The following AP3M1 variants were observed in gnomAD, a reference collection of about 807,000 sequenced individuals.
AP3M1 encodes the protein adaptor related protein complex 3 subunit mu 1.
AP3M1 carries 29 observed loss-of-function variants against 42.6 expected under a neutral mutation model. That is an observed-to-expected ratio of 0.68 (90% CI 0.51 to 0.93). The LOEUF is 0.93. Among genes scored for constraint, AP3M1 ranks in the 40% least tolerant of loss-of-function variants. AP3M1 has a pLI of 0.00. For synonymous variants in AP3M1, 178 were observed against 175.3 expected (o/e 1.02, Z -0.12); for missense variants, 416 against 510.2 (o/e 0.82, Z 1.78).
chr10:74,129,966 C>A lies in AP3M1; in HGVS notation c.610G>T (p.Gly204Trp), dbSNP rs748768646. 6.2e-7 allele frequency: 1 copy of A among 1,611,990 alleles called. No homozygotes were observed. The highest frequency in any genetic ancestry group is 1.1e-5 in the South Asian group (1 of 90,984). The change falls in exon 5 of 9, where the codon GGG becomes TGG. Residue 204 changes from glycine to tryptophan, a missense_variant. Physicochemically the swap from Gly to Trp is radical, Grantham distance 184. Transcript: ENST00000355264. ...SGSTVFAEIQ[G>W]VIDACIKLSG... is the part of the protein sequence containing the mutation. ...AGTTTAATGCAAGCATCAATGACCC[C>A]CTGAATTTCTGCAAAGACTGTAGAT... is the stretch of plus-strand genomic sequence containing the variant.
chr10:74,149,236 T>G (rs1435025720), intron 1 of AP3M1, among the ~76,000 whole-genome samples: 1 of 145,826 alleles, frequency 6.9e-6, no homozygotes, highest in African/African-American at 2.5e-5. Flanking sequence ...ATAATCTTGT[T>G]GCAAAGAGAG....
chr10:74,124,032 G>A (rs912006700), intron 8 of AP3M1, 122 bp from the exon 9 acceptor site: 166 of 882,164 alleles, frequency 1.9e-4, no homozygotes, highest in Admixed American at 2.8e-4. Flanking sequence ...TGGAAGAAAT[G>A]TCTCTTCTAT....
In AP3M1 at chr10:74,147,904, C is replaced by T. The variant is rs572942197; in HGVS notation, c.-4+2851G>A. Among the ~76,000 whole-genome samples the T allele has an allele frequency of 2.6e-3, 392 of 152,104 alleles. 1 individual carries two copies. Among genetic ancestry groups the T allele is most frequent in the Non-Finnish European group, 4.8e-3 (328 of 68,002 alleles). On this transcript the variant is annotated intron_variant, in intron 1 of 8. Transcript: ENST00000355264. ...ATCCCAGCTACTCGGGAGGCTGAGG[C>T]GGAAGAATCACTTGAACTCTGGAGG... is the stretch of plus-strand genomic sequence containing the variant.
At chr10:74,145,964 C>CA (rs1841312978) in intron 1 of AP3M1, among the ~76,000 whole-genome samples, 3 of 152,234 alleles carry the variant, frequency 2.0e-5, no homozygotes, top group Admixed American at 2.0e-4. Context: ...TTCTGATTCT[C>CA]AGCCAATATC....
At position 74,138,326 on chromosome 10, in the gene AP3M1, C is replaced by T. The variant is rs1031791842; in HGVS notation, c.54G>A (p.Lys18=). ...ACTGGCTCACAACGCTCTTCCAGTG[C>T]TTCTCTAGAAATATGTCACCGGAAC... The part of the protein sequence containing the change: ...INCSGDIFLE[K]HWKSVVSQSV... Residue 18 remains lysine, a synonymous_variant, in exon 2 of 9, where the codon AAG becomes AAA. Transcript: ENST00000355264. 3 of 1,614,092 alleles carry T rather than the reference C, an allele frequency of 1.9e-6. No individual in the cohort carries two copies. The highest frequency in any genetic ancestry group is 1.7e-6 in the Non-Finnish European group (2 of 1,179,992).
At chr10:74,130,508 G>A (rs374739455) in intron 4 of AP3M1, among the ~76,000 whole-genome samples, 2 of 150,114 alleles carry the variant, frequency 1.3e-5, no homozygotes, top group East Asian at 4.0e-4. Flanking sequence ...GCGTAGTGGT[G>A]CTATGATAGC....
chr10:74,144,243 G>A (rs1406634425), intron 1 of AP3M1, among the ~76,000 whole-genome samples: 1 of 151,694 alleles, frequency 6.6e-6, no homozygotes, highest in East Asian at 1.9e-4. Context: ...TTACAGGCGT[G>A]AGCCACCATG....
chr10:74,123,533 T>C lies in AP3M1; in HGVS notation c.*277A>G. 4.4e-6 allele frequency: 2 copies of C among 455,858 alleles called. No homozygotes were observed. Among genetic ancestry groups the C allele is most frequent in the Non-Finnish European group, 7.9e-6 (2 of 253,988 alleles). The allele number at this position is 455,858 out of a possible 1,614,324, so 28.2% of individuals were successfully genotyped here. A position where few individuals can be genotyped will look rare whatever the true frequency, so the allele number is the denominator to read the frequency against. On this transcript the variant is annotated 3_prime_UTR_variant, in exon 9 of 9. Transcript: ENST00000355264. ...CAGCTTTCTGCCTTTACTGTTACAA[T>C]GTGCAGCCGCCAGATGGTATCCTCC...
Position 74,129,217 on chromosome 10 carries a change from T to C in AP3M1, c.694A>G (p.Ser232Gly). 1 of 1,614,112 alleles carries C rather than the reference T, an allele frequency of 6.2e-7. No homozygotes were observed. Among genetic ancestry groups the C allele is most frequent in the Non-Finnish European group, 8.5e-7 (1 of 1,180,004 alleles). Residue 232 changes from serine to glycine, a missense_variant, in exon 6 of 9, where the codon AGC becomes GGC. Physicochemically the swap from Ser to Gly is moderately conservative, Grantham distance 56. Coordinates refer to ENST00000355264, the MANE Select transcript of AP3M1 (RefSeq NM_012095.6). ...FMNPRLLDDV[S>G]FHPCIRFKRW... The stretch of plus-strand genomic sequence containing the variant: ...TTGAACCGGATGCAGGGGTGAAAGC[T>C]GACATCATCCAGAAGCCTAGGGTTC...
intron 1 of AP3M1, among the ~76,000 whole-genome samples, chr10:74,144,749 G>A (rs1049314589): frequency 5.3e-5 from 8 of 150,224 alleles, no homozygotes; most frequent in Admixed American, 1.3e-4. Flanking sequence ...CACAACCTCC[G>A]CCTGCTGGGT....
At chr10:74,133,899 T>G (rs1448469916) in intron 4 of AP3M1, 128 bp downstream of exon 4, 1 of 1,112,988 alleles carries the variant, frequency 9.0e-7, no homozygotes, top group African/African-American at 1.6e-5. Flanking sequence ...ATGTTCCGCC[T>G]GCCTTGGCCT....
At chr10:74,124,157 G>A (rs1218764320) in intron 8 of AP3M1, among the ~76,000 whole-genome samples, 1 of 152,108 alleles carries the variant, frequency 6.6e-6, no homozygotes, top group African/African-American at 2.4e-5. Context: ...CTCTCTTTTT[G>A]GTGCTTAAAT....
At chr10:74,124,306 T>C in intron 8 of AP3M1, 74 bp downstream of exon 8, 1 of 1,522,846 alleles carries the variant, frequency 6.6e-7, no homozygotes, top group South Asian at 1.3e-5. Context: ...AAACTTTTGT[T>C]ACTCTTCTAA....
At chr10:74,124,642 CAA>C (rs1840563600) in intron 7 of AP3M1, 118 bp from the exon 8 acceptor site, 10 of 828,022 alleles carry the variant, frequency 1.2e-5, no homozygotes, top group East Asian at 2.7e-5. Context: ...CTCTTGAAAA[CAA>C]GAGATCTGGC....
chr10:74,141,920 A>T (rs1841166461), intron 1 of AP3M1, among the ~76,000 whole-genome samples: 1 of 148,092 alleles, frequency 6.8e-6, no homozygotes, highest in African/African-American at 2.5e-5. Context: ...ACGAGGTTTC[A>T]CTATGTTGGC....
Position 74,145,378 on chromosome 10 carries a change from T to C in AP3M1, c.-4+5377A>G, listed in dbSNP as rs531253828. ...ATTGTTGTTATCCTTAGTGCTGAGATGAAAGCATAACACTTGTAAGTTCTC... is the reference window on the plus strand; with the variant it reads ...ATTGTTGTTATCCTTAGTGCTGAGACGAAAGCATAACACTTGTAAGTTCTC... On this transcript the variant is annotated intron_variant, in intron 1 of 8. Coordinates refer to ENST00000355264, the MANE Select transcript of AP3M1 (RefSeq NM_012095.6). 1.1e-3 allele frequency among the ~76,000 whole-genome samples: 174 copies of C among 152,356 alleles called. 1 individual carries two copies. In the South Asian group the frequency reaches 0.028, roughly 24 times the overall value.
In AP3M1 at chr10:74,138,441, A is replaced by G. The variant is rs2131985845; in HGVS notation, c.-3-59T>C. ...ACATTAAATATCATTTAACATACAC[A>G]AAAAGATTATACACCTTGACCAAGT... On this transcript the variant is annotated intron_variant, in intron 1 of 8. Transcript: ENST00000355264. The G allele has an allele frequency of 4.7e-6, 7 of 1,475,854 alleles. No homozygotes were observed. The South Asian group carries it at 6.6e-5, about 14-fold the overall frequency. The allele number at this position is 1,475,854 out of a possible 1,614,324, so 91.4% of individuals were successfully genotyped here.
intron 1 of AP3M1, among the ~76,000 whole-genome samples, chr10:74,141,937 G>A (rs1564554048): frequency 6.6e-6 from 1 of 150,376 alleles, no homozygotes; most frequent in Non-Finnish European, 1.5e-5. Flanking sequence ...TGGCCAGGCT[G>A]GTCTTGAACT....
At chr10:74,138,597 GAAA>G (rs35488304) in intron 1 of AP3M1, among the ~76,000 whole-genome samples, 25 of 111,018 alleles carry the variant, frequency 2.3e-4, no homozygotes, top group African/African-American at 3.5e-4. Context: ...ATCCTTTTAC[GAAA>G]AAAAAAAAAA....
Sources: allele counts gnomAD v4.1 joint callset (sites outside exome capture counted in the v4.1 genomes callset), GRCh38; gene constraint gnomAD v4.1.1; transcripts MANE v1.5; gene names NCBI Gene and HGNC (gene_info 2026-07-23, HGNC 2026-07-21).